Variants in UPB1 observed in about 807,000 individuals in gnomAD.
The protein encoded by UPB1 is beta-ureidopropionase.
Under a neutral mutation model 49.1 loss-of-function variants are expected in UPB1, and 40 were observed. The observed-to-expected ratio is 0.81, with a 90% CI of 0.63 to 1.06. UPB1 has a LOEUF of 1.06. UPB1 is among the 50% of genes least tolerant of loss of function. The pLI is 0.00. For synonymous variants in UPB1, 207 were observed against 198.2 expected (o/e 1.04, Z -0.38); for missense variants, 499 against 505.9 (o/e 0.99, Z 0.13).
At chr22:24,502,363 C>T (rs570361995) in intron 3 of UPB1, 150 bp downstream of exon 3, 20 of 877,414 alleles carry the variant, frequency 2.3e-5, no homozygotes, top group African/African-American at 9.8e-5. Flanking sequence ...CCAGGAACCC[C>T]GGCCTCCCTG....
Position 24,502,052 on chromosome 22 carries a change from T to A in UPB1, c.277-74T>A, listed in dbSNP as rs1045062028. On this transcript the variant is annotated intron_variant, in intron 2 of 9. Coordinates refer to ENST00000326010, the MANE Select transcript of UPB1 (RefSeq NM_016327.3). Reference sequence around the variant, plus strand: ...CCAGGTGGGCATTGATTTTTCCATATGCATTAGGATGAGATCCTAAAAATT... The same window carrying A: ...CCAGGTGGGCATTGATTTTTCCATAAGCATTAGGATGAGATCCTAAAAATT... 2.0e-6 allele frequency: 3 copies of A among 1,469,088 alleles called. No homozygotes were observed. In the African/African-American group the frequency reaches 4.2e-5, roughly 20 times the overall value. 91.0% of individuals were successfully genotyped at this position (1,469,088 alleles called of 1,614,324 possible).
chr22:24,521,913 G>C (rs377319971), intron 7 of UPB1, 73 bp from the exon 8 acceptor site: 49 of 1,518,578 alleles, frequency 3.2e-5, no homozygotes, highest in African/African-American at 6.8e-5. Flanking sequence ...CTGCTCATCT[G>C]GCTGAGTGAG....
At chr22:24,498,392 T>C (rs1161296342) in intron 1 of UPB1, among the ~76,000 whole-genome samples, 7 of 152,144 alleles carry the variant, frequency 4.6e-5, no homozygotes, top group Non-Finnish European at 1.0e-4. Flanking sequence ...TTGGTTAGGT[T>C]CTCCAAGATG....
intron 3 of UPB1, among the ~76,000 whole-genome samples, chr22:24,508,725 A>G (rs1327926147): frequency 1.3e-5 from 2 of 150,760 alleles, no homozygotes; most frequent in Admixed American, 6.6e-5. Flanking sequence ...TAAAAATACA[A>G]AAAAAATTAG....
chr22:24,523,816 G>C, intron 9 of UPB1, 43 bp downstream of exon 9: 1 of 1,613,158 alleles, frequency 6.2e-7, no homozygotes, highest in Non-Finnish European at 8.5e-7. Context: ...CCTCTGCTTT[G>C]GCCCTCATCC....
rs1453886324 is a variant in UPB1 at position 24,525,876 on chromosome 22, G to C, written c.*82G>C. 1 of 1,546,864 alleles carries C rather than the reference G, an allele frequency of 6.5e-7. No homozygotes were observed. Among genetic ancestry groups the C allele is most frequent in the African/African-American group, 1.4e-5 (1 of 73,586 alleles). On this transcript the variant is annotated 3_prime_UTR_variant, in exon 10 of 10. Coordinates refer to ENST00000326010, the MANE Select transcript of UPB1 (RefSeq NM_016327.3). ...AAGTGTGGCAGGCTTAACATGTCCA[G>C]GTTCTCCCCAATAACATTGTCCAGG...
chr22:24,499,372 G>A (rs2043948043), intron 1 of UPB1, among the ~76,000 whole-genome samples: 1 of 152,180 alleles, frequency 6.6e-6, no homozygotes, highest in African/African-American at 2.4e-5. Flanking sequence ...TGCCTCTGTG[G>A]CTTTCACCTT....
At chr22:24,510,675 C>T (rs1250557488) in intron 3 of UPB1, 74 bp from the exon 4 acceptor site, 22 of 1,494,620 alleles carry the variant, frequency 1.5e-5, no homozygotes, top group East Asian at 2.3e-5. Flanking sequence ...AGTGACTTCC[C>T]GCTGCTGGGC....
chr22:24,519,278 C>T (rs1294030481), intron 6 of UPB1, among the ~76,000 whole-genome samples: 1 of 152,150 alleles, frequency 6.6e-6, no homozygotes, highest in African/African-American at 2.4e-5. Flanking sequence ...CCCACCCCCT[C>T]CACCTACTCC....
At chr22:24,511,610 A>ATT (rs1378517722) in intron 4 of UPB1, among the ~76,000 whole-genome samples, 2 of 83,332 alleles carry the variant, frequency 2.4e-5, no homozygotes, top group Non-Finnish European at 5.1e-5. Flanking sequence ...ATATATATAT[A>ATT]TATATATATT....
intron 1 of UPB1, among the ~76,000 whole-genome samples, chr22:24,496,215 T>TA (rs1243629991): frequency 6.6e-6 from 1 of 151,840 alleles, no homozygotes; most frequent in Non-Finnish European, 1.5e-5. Flanking sequence ...ATAAAGCATT[T>TA]AAAAAAATAG....
chr22:24,520,494 G>T, intron 7 of UPB1, 26 bp downstream of exon 7: 1 of 1,611,418 alleles, frequency 6.2e-7, no homozygotes, highest in Non-Finnish European at 8.5e-7. Context: ...TGGCTGGGGA[G>T]AGGAGCCACC....
chr22:24,515,022 A>G (rs2044268241), intron 5 of UPB1, among the ~76,000 whole-genome samples, 179 bp from the exon 6 acceptor site: 1 of 152,140 alleles, frequency 6.6e-6, no homozygotes, highest in South Asian at 2.1e-4. Context: ...GGGCTGGCTT[A>G]TTTGGTGTCA....
intron 9 of UPB1, among the ~76,000 whole-genome samples, chr22:24,524,354 T>G (rs12159862): frequency 0.17 from 25,157 of 152,180 alleles, 2,190 homozygotes; most frequent in South Asian, 0.27. Flanking sequence ...CCCTGTGATG[T>G]CAGGAGTCAG....
At chr22:24,504,902 G>C (rs1601486847) in intron 3 of UPB1, among the ~76,000 whole-genome samples, 1 of 126,536 alleles carries the variant, frequency 7.9e-6, no homozygotes, top group African/African-American at 2.9e-5. Flanking sequence ...TAATTTTCTT[G>C]AATTTTTTTT....
intron 9 of UPB1, among the ~76,000 whole-genome samples, chr22:24,524,300 C>CGGGG (rs2044446473): frequency 6.6e-6 from 1 of 152,126 alleles, no homozygotes; most frequent in Non-Finnish European, 1.5e-5. Flanking sequence ...TTGTAAAATA[C>CGGGG]GGGGCTTAAC....
At chr22:24,499,961 C>G in intron 1 of UPB1, 146 bp from the exon 2 acceptor site, 1 of 1,205,446 alleles carries the variant, frequency 8.3e-7, no homozygotes, top group Non-Finnish European at 1.2e-6. Context: ...TGCTCGCCAG[C>G]TCCCTTGGGC....
chr22:24,506,573 G>T (rs2044095716), intron 3 of UPB1, among the ~76,000 whole-genome samples: 1 of 152,158 alleles, frequency 6.6e-6, no homozygotes, highest in Admixed American at 6.5e-5. Flanking sequence ...CATGAACATT[G>T]CTTTCCTGTC....
At position 24,525,786 on chromosome 22, in the gene UPB1, A is replaced by G. The variant is rs761493667; in HGVS notation, c.1147A>G (p.Lys383Glu). 6.2e-7 allele frequency: 1 copy of G among 1,614,194 alleles called. No homozygotes were observed. The highest frequency in any genetic ancestry group is 1.1e-5 in the South Asian group (1 of 91,088). The change falls in exon 10 of 10, where the codon AAA becomes GAA. Residue 383 changes from lysine to glutamate, a missense_variant. By Grantham distance (56) the Lys-to-Glu change is moderately conservative. Transcript: ENST00000326010. ...VKSNYSPTIVKE is the reference protein window; with the variant it reads ...VKSNYSPTIVEE ...GTCCAACTACAGCCCCACCATCGTG[A>G]AAGAGTAGCCGGCTTCAGTGCCTGC... is the stretch of plus-strand genomic sequence containing the variant.
Sources: allele counts gnomAD v4.1 joint callset (sites outside exome capture counted in the v4.1 genomes callset), GRCh38; gene constraint gnomAD v4.1.1; transcripts MANE v1.5; gene names NCBI Gene and HGNC (gene_info 2026-07-23, HGNC 2026-07-21).